Variants in HOMER2 observed in about 807,000 individuals in gnomAD.
HOMER2 encodes the protein homer protein homolog 2.
A neutral mutation model predicts 47.0 loss-of-function variants in HOMER2; 27 were observed. That is an observed-to-expected ratio of 0.57 (90% CI 0.42 to 0.79). The LOEUF is 0.79. Among genes scored for constraint, HOMER2 ranks in the 30% least tolerant of loss-of-function variants. The probability of loss-of-function intolerance (pLI) is 0.00; values close to 1 mark genes in which losing one functional copy is unlikely to be tolerated. For synonymous variants in HOMER2, 161 were observed against 163.8 expected (o/e 0.98, Z 0.13); for missense variants, 443 against 435.0 (o/e 1.02, Z -0.16).
At chr15:82,947,974 A>G (rs1336174514) in intron 1 of HOMER2, among the ~76,000 whole-genome samples, 1 of 152,194 alleles carries the variant, frequency 6.6e-6, no homozygotes, top group African/African-American at 2.4e-5. Flanking sequence ...ATTATAGGAA[A>G]CAAAGGTAGG....
chr15:82,891,896 G>A (rs770806191), intron 2 of HOMER2, among the ~76,000 whole-genome samples: 1 of 152,164 alleles, frequency 6.6e-6, no homozygotes, highest in Non-Finnish European at 1.5e-5. Context: ...GGGGAATTCA[G>A]CTTTAGATAC....
At chr15:82,848,463 G>T (rs1461933609), downstream of HOMER2, among the ~76,000 whole-genome samples, 1 of 152,192 alleles carries the variant, frequency 6.6e-6, no homozygotes. Context: ...GCACCCACAG[G>T]CCCGCTGGCC....
intron 1 of HOMER2, among the ~76,000 whole-genome samples, chr15:82,899,804 C>A (rs1159898775): frequency 6.6e-6 from 1 of 152,188 alleles, no homozygotes; most frequent in Non-Finnish European, 1.5e-5. Flanking sequence ...GGGCGGATCA[C>A]TTGAGGTCAG....
intron 1 of HOMER2, among the ~76,000 whole-genome samples, chr15:82,902,968 A>G (rs2053169616): frequency 6.6e-6 from 1 of 152,204 alleles, no homozygotes. Flanking sequence ...CTGTCCACCT[A>G]AGAGTCTGTT....
At chr15:82,979,373 A>G (rs73451144) in intron 1 of HOMER2, among the ~76,000 whole-genome samples, 1,739 of 152,292 alleles carry the variant, frequency 0.011, 38 homozygotes, top group African/African-American at 0.04. Flanking sequence ...TGAAAGGTAA[A>G]TGGATCCAGG....
intron 1 of HOMER2, among the ~76,000 whole-genome samples, chr15:82,969,626 G>A (rs2029916322): frequency 6.6e-6 from 1 of 152,206 alleles, no homozygotes; most frequent in Non-Finnish European, 1.5e-5. Context: ...AGGAACTAAA[G>A]CTACAATAAA....
chr15:82,901,399 G>C (rs750434601), intron 1 of HOMER2, among the ~76,000 whole-genome samples: 7 of 152,176 alleles, frequency 4.6e-5, no homozygotes, highest in Non-Finnish European at 1.0e-4. Flanking sequence ...GTCTAGGACA[G>C]GGACAGAAGA....
At chr15:82,914,378 TAAAA>T (rs755003013) in intron 1 of HOMER2, among the ~76,000 whole-genome samples, 1 of 108,938 alleles carries the variant, frequency 9.2e-6, no homozygotes, top group Non-Finnish European at 1.9e-5. Flanking sequence ...ACTCCATCTT[TAAAA>T]AAAAAAAAAA....
At chr15:82,960,778 G>A (rs2054624298) in intron 1 of HOMER2, among the ~76,000 whole-genome samples, 1 of 152,124 alleles carries the variant, frequency 6.6e-6, no homozygotes, top group Non-Finnish European at 1.5e-5. Flanking sequence ...CCATCTGGGA[G>A]GCCTCGGTGG....
chr15:82,939,207 G>C (rs1043321237), intron 1 of HOMER2, among the ~76,000 whole-genome samples: 1 of 152,056 alleles, frequency 6.6e-6, no homozygotes, highest in Admixed American at 6.6e-5. Flanking sequence ...CTCCTCTTAC[G>C]TTCCCAATCT....
intron 1 of HOMER2, among the ~76,000 whole-genome samples, chr15:82,950,849 T>C (rs2054490223): frequency 2.0e-5 from 3 of 152,258 alleles, no homozygotes; most frequent in Admixed American, 6.5e-5. Context: ...GTAAACATTT[T>C]CATTTCCACA....
downstream of HOMER2, chr15:82,845,815 TCC>T (rs2051237155): frequency 6.6e-6 from 1 of 152,190 alleles, no homozygotes; most frequent in African/African-American, 2.4e-5. Flanking sequence ...TCCAAAATTG[TCC>T]CTGGTTTCTA....
chr15:82,910,511 T>C (rs1182803346), intron 1 of HOMER2, among the ~76,000 whole-genome samples: 1 of 152,200 alleles, frequency 6.6e-6, no homozygotes, highest in Non-Finnish European at 1.5e-5. Flanking sequence ...CTGTAGTAAT[T>C]CTGGTGCCTT....
chr15:82,854,605 C>T (rs1181074615), intron 6 of HOMER2, 39 bp downstream of exon 6: 6 of 1,586,454 alleles, frequency 3.8e-6, no homozygotes, highest in Non-Finnish European at 4.3e-6. Flanking sequence ...ACTGCCCACA[C>T]CAGCTGGCCT....
At chr15:82,864,637 T>C (rs2051905177) in intron 3 of HOMER2, among the ~76,000 whole-genome samples, 1 of 151,188 alleles carries the variant, frequency 6.6e-6, no homozygotes, top group African/African-American at 2.4e-5. Context: ...TATTTAGGAG[T>C]GAAATGTCTT....
chr15:82,947,132 G>A (rs2054399682), intron 1 of HOMER2, among the ~76,000 whole-genome samples: 1 of 152,162 alleles, frequency 6.6e-6, no homozygotes, highest in Non-Finnish European at 1.5e-5. Context: ...CAGACTGAAG[G>A]AATATTAGAA....
chr15:82,949,247 A>G (rs2054451528), intron 1 of HOMER2, among the ~76,000 whole-genome samples: 1 of 152,196 alleles, frequency 6.6e-6, no homozygotes, highest in Admixed American at 6.5e-5. Flanking sequence ...TCATGGGCAT[A>G]TCGATGGCAT....
At chr15:82,835,149 C>CAT (rs1567002313), downstream of HOMER2, 1 of 146,812 alleles carries the variant, frequency 6.8e-6, no homozygotes, top group Non-Finnish European at 1.5e-5. Flanking sequence ...TTTTTTGAGA[C>CAT]AGAGTCTTGC....
At chr15:82,912,817 C>A (rs2053485780) in intron 1 of HOMER2, among the ~76,000 whole-genome samples, 1 of 152,178 alleles carries the variant, frequency 6.6e-6, no homozygotes, top group Non-Finnish European at 1.5e-5. Context: ...AGATACCGGG[C>A]ACATCTCTAA....
Sources: gnomAD v4.1 joint callset for allele counts (sites outside exome capture counted in the v4.1 genomes callset) on GRCh38, gnomAD v4.1.1 for gene constraint, MANE v1.5 for transcripts, NCBI Gene and HGNC (gene_info 2026-07-23, HGNC 2026-07-21) for gene names.